The following BUD23 variants were observed in gnomAD, a reference collection of about 807,000 sequenced individuals.
BUD23 encodes 18S rRNA (guanine-N(7))-methyltransferase.
BUD23 carries 34 observed loss-of-function variants against 47.0 expected under a neutral mutation model. The ratio of observed to expected loss-of-function variants is 0.72; its 90% CI spans 0.55 to 0.96. The LOEUF is 0.96. Among genes scored for constraint, BUD23 ranks in the 40% least tolerant of loss-of-function variants. The pLI is 0.00. For missense variants in BUD23, 343 were observed against 361.2 expected, an observed-to-expected ratio of 0.95 and a Z score of 0.41; for synonymous variants, 124 against 132.0, an observed-to-expected ratio of 0.94 and a Z score of 0.41.
At chr7:73,683,967 C>G in intron 2 of BUD23, 163 bp downstream of exon 2, 1 of 1,517,386 alleles carries the variant, frequency 6.6e-7, no homozygotes, top group Non-Finnish European at 8.8e-7. Flanking sequence ...TTTAAGTTGC[C>G]GACCTCTCTG....
chr7:73,684,824 T>C (rs11764796), intron 2 of BUD23, among the ~76,000 whole-genome samples: 39,590 of 143,680 alleles, frequency 0.28, 6,339 homozygotes, highest in South Asian at 0.36. Context: ...CTCGGGAGGC[T>C]GAGGCAGGAG....
chr7:73,686,851 A>T lies in BUD23; in HGVS notation c.216A>T (p.Ser72=). ...CTGGGCTGAGTGGAAGTTATCTGTC[A>T]GATGAAGGGCACTATTGGGTGGGCC... The part of the protein sequence containing the change: ...CGTGLSGSYL[S]DEGHYWVGLD... The change falls in exon 4 of 12, where the codon TCA becomes TCT. Residue 72 remains serine, a synonymous_variant. Transcript: ENST00000265758. 3 of 1,614,176 alleles carry T rather than the reference A, an allele frequency of 1.9e-6. No individual in the cohort carries two copies. Among genetic ancestry groups the T allele is most frequent in the Non-Finnish European group, 2.5e-6 (3 of 1,180,026 alleles).
chr7:73,697,417 T>C, intron 10 of BUD23, 188 bp from the exon 11 acceptor site: 2 of 1,535,862 alleles, frequency 1.3e-6, no homozygotes, highest in Non-Finnish European at 1.7e-6. Context: ...GTGGCCCGGA[T>C]GGATGTTATC....
intron 6 of BUD23, among the ~76,000 whole-genome samples, chr7:73,691,229 T>TTTGATA (rs1798184451): frequency 6.6e-6 from 1 of 152,192 alleles, no homozygotes; most frequent in Non-Finnish European, 1.5e-5. Flanking sequence ...AACCCAGAAG[T>TTTGATA]CACTGATACC....
chr7:73,685,137 G>A (rs1554612747), intron 2 of BUD23, among the ~76,000 whole-genome samples: 1 of 151,674 alleles, frequency 6.6e-6, no homozygotes, highest in Non-Finnish European at 1.5e-5. Context: ...GTGAAATCCC[G>A]TCTCTACTGA....
At chr7:73,685,261 C>T (rs1554612778) in intron 2 of BUD23, among the ~76,000 whole-genome samples, 1 of 152,244 alleles carries the variant, frequency 6.6e-6, no homozygotes, top group African/African-American at 2.4e-5. Context: ...GCCTTGGCGA[C>T]AGAGTGAGAC....
chr7:73,692,614 G>A lies in BUD23; in HGVS notation c.478G>A (p.Val160Ile). 1 of 1,613,974 alleles carries A rather than the reference G, an allele frequency of 6.2e-7. No homozygotes were observed. The highest frequency in any genetic ancestry group is 8.5e-7 in the Non-Finnish European group (1 of 1,179,862). ...FSVLVRGSRA[V>I]LQLYPENSEQ... Reference sequence around the variant, plus strand: ...CTTTCAGGTCCGGGGATCCCGAGCTGTCCTGCAGCTGTACCCTGAGAACTC... The same window carrying A: ...CTTTCAGGTCCGGGGATCCCGAGCTATCCTGCAGCTGTACCCTGAGAACTC... Residue 160 changes from valine to isoleucine, a missense_variant, in exon 7 of 12, where the codon GTC becomes ATC. Physicochemically the swap from Val to Ile is conservative, Grantham distance 29. Coordinates refer to ENST00000265758, the MANE Select transcript of BUD23 (RefSeq NM_017528.5).
At position 73,692,678 on chromosome 7, in the gene BUD23, A is replaced by G. The variant is rs569675245; in HGVS notation, c.510+32A>G. On this transcript the variant is annotated intron_variant, in intron 7 of 11. Coordinates refer to ENST00000265758, the MANE Select transcript of BUD23 (RefSeq NM_017528.5). ...CCCTCGGCTACTGGGTGTGCCGGGG[A>G]GTTGGGGGACTCAACAGGTAAGCTG... is the stretch of plus-strand genomic sequence containing the variant. 6 of 1,604,076 alleles carry G rather than the reference A, an allele frequency of 3.7e-6. No individual in the cohort carries two copies. In the East Asian group the frequency reaches 1.3e-4, roughly 36 times the overall value.
Position 73,692,610 on chromosome 7 carries a change from A to G in BUD23, c.474A>G (p.Arg158=). The G allele has an allele frequency of 6.2e-6, 10 of 1,613,764 alleles. No individual in the cohort carries two copies. Among genetic ancestry groups the G allele is most frequent in the Non-Finnish European group, 8.5e-6 (10 of 1,179,720 alleles). ...SLFSVLVRGS[R]AVLQLYPENS... ...GTTTCTTTCAGGTCCGGGGATCCCG[A>G]GCTGTCCTGCAGCTGTACCCTGAGA... Residue 158 remains arginine, a synonymous_variant, in exon 7 of 12, where the codon CGA becomes CGG. Coordinates refer to ENST00000265758, the MANE Select transcript of BUD23 (RefSeq NM_017528.5).
At chr7:73,688,753 A>G (rs1266459542) in intron 5 of BUD23, among the ~76,000 whole-genome samples, 5 of 152,204 alleles carry the variant, frequency 3.3e-5, no homozygotes, top group Non-Finnish European at 7.3e-5. Flanking sequence ...TAGGGGAGGA[A>G]GTTACAAATC....
At chr7:73,683,839 G>T (rs1554612242) in intron 2 of BUD23, 35 bp downstream of exon 2, 1 of 1,614,186 alleles carries the variant, frequency 6.2e-7, no homozygotes, top group South Asian at 1.1e-5. Flanking sequence ...GGCGTCCGGG[G>T]GTCGGGAAGC....
At chr7:73,686,550 T>A in intron 2 of BUD23, 86 bp from the exon 3 acceptor site, 1 of 1,216,250 alleles carries the variant, frequency 8.2e-7, no homozygotes, top group South Asian at 1.4e-5. Context: ...TTAACTTGGC[T>A]TTTTTTTGTT....
chr7:73,690,836 G>A (rs1442052844), intron 5 of BUD23, 80 bp from the exon 6 acceptor site: 9 of 1,124,160 alleles, frequency 8.0e-6, no homozygotes, highest in Non-Finnish European at 1.2e-5. Flanking sequence ...GAGCCAGGAC[G>A]GATGATGTCA....
Position 73,693,809 on chromosome 7 carries a change from C to T in BUD23, c.642+140C>T, listed in dbSNP as rs1203195062. ...AGTGCAGACCCTGGAGTGCTCACAT[C>T]CTCTGGAATCTGGAGGCAGAGACCT... On this transcript the variant is annotated intron_variant, in intron 9 of 11. Coordinates refer to ENST00000265758, the MANE Select transcript of BUD23 (RefSeq NM_017528.5). 3.7e-6 allele frequency: 5 copies of T among 1,354,404 alleles called. No individual in the cohort carries two copies. The Admixed American group carries it at 7.0e-5, about 19-fold the overall frequency. The allele number at this position is 1,354,404 out of a possible 1,614,324, so 83.9% of individuals were successfully genotyped here.
At chr7:73,689,045 T>C (rs1274435566) in intron 5 of BUD23, among the ~76,000 whole-genome samples, 2 of 152,104 alleles carry the variant, frequency 1.3e-5, no homozygotes, top group Admixed American at 1.3e-4. Flanking sequence ...AGAGGTGAGA[T>C]GGTATAGCAA....
chr7:73,686,837 G>A lies in BUD23; in HGVS notation c.202G>A (p.Gly68Arg), dbSNP rs782096707. 28 of 1,614,086 alleles carry A rather than the reference G, an allele frequency of 1.7e-5. No homozygotes were observed. The highest frequency in any genetic ancestry group is 2.3e-5 in the Non-Finnish European group (27 of 1,180,042). The change falls in exon 4 of 12, where the codon GGA (glycine) becomes AGA (arginine). Residue 68 changes from glycine (G) to arginine (R), a missense_variant. Transcript: ENST00000265758. ...LDIGCGTGLSGSYLSDEGHYW... is the reference protein window; with the variant it reads ...LDIGCGTGLSRSYLSDEGHYW... ...TTCCAGCTGTGGCACTGGGCTGAGT[G>A]GAAGTTATCTGTCAGATGAAGGGCA...
At position 73,697,835 on chromosome 7, in the gene BUD23, A is replaced by C; in HGVS notation, c.795A>C (p.Glu265Asp). 3 of 1,614,002 alleles carry C rather than the reference A, an allele frequency of 1.9e-6. No homozygotes were observed. The highest frequency in any genetic ancestry group is 2.5e-6 in the Non-Finnish European group (3 of 1,179,982). ...GTCCTATTCCTTTTCTGCACAGGGAAGTCAGACCTGACACCCAGTACACCG... is the reference window on the plus strand; with the variant it reads ...GTCCTATTCCTTTTCTGCACAGGGACGTCAGACCTGACACCCAGTACACCG... Reference protein sequence around the residue: ...KKERHRRQGREVRPDTQYTGR... With the variant: ...KKERHRRQGRDVRPDTQYTGR... The change falls in exon 12 of 12, where the codon GAA becomes GAC. Residue 265 changes from glutamate (E) to aspartate (D), a missense_variant. Glu to Asp is a conservative substitution (Grantham distance 45). Transcript: ENST00000265758.
chr7:73,684,617 A>AAGGGGGGG (rs1554612517), intron 2 of BUD23, among the ~76,000 whole-genome samples: 10 of 86,584 alleles, frequency 1.2e-4, no homozygotes, highest in Non-Finnish European at 2.2e-4. Context: ...AAAAAAAAAA[A>AAGGGGGGG]GGGGGGGGGA....
At chr7:73,694,423 A>T (rs1374126839) in intron 10 of BUD23, 2 of 200,016 alleles carry the variant, frequency 1.0e-5, no homozygotes, top group African/African-American at 4.7e-5. Flanking sequence ...CTCCTGGGTC[A>T]CTGCTGTCGG....
Sources: gnomAD v4.1 joint callset for allele counts (sites outside exome capture counted in the v4.1 genomes callset) on GRCh38, gnomAD v4.1.1 for gene constraint, MANE v1.5 for transcripts, NCBI Gene and HGNC (gene_info 2026-07-23, HGNC 2026-07-21) for gene names.